ITGB6: variants seen among roughly 807,000 people sequenced by gnomAD.
ITGB6 encodes the protein integrin subunit beta 6.
In ITGB6, 80 loss-of-function variants were observed where a neutral mutation model predicts 84.5. The observed-to-expected ratio is 0.95, with a 90% CI of 0.79 to 1.14. The LOEUF is 1.14. ITGB6 is among the 50% of genes most tolerant of loss of function. ITGB6 has a pLI of 0.00. For missense variants in ITGB6, 1,006 were observed against 968.0 expected, an observed-to-expected ratio of 1.04 and a Z score of -0.52; for synonymous variants, 383 against 354.9, an observed-to-expected ratio of 1.08 and a Z score of -0.89.
At chr2:160,173,246 G>A (rs1316894257) in intron 5 of ITGB6, among the ~76,000 whole-genome samples, 2 of 152,168 alleles carry the variant, frequency 1.3e-5, no homozygotes, top group Non-Finnish European at 2.9e-5. Context: ...ATGAAAGTAT[G>A]GCCCGAAGGT....
At chr2:160,141,511 A>G (rs993992393) in intron 8 of ITGB6, among the ~76,000 whole-genome samples, 2 of 152,228 alleles carry the variant, frequency 1.3e-5, no homozygotes, top group East Asian at 1.9e-4. Context: ...TATAGAAATT[A>G]AAAAGTGGCA....
chr2:160,129,392 C>CAAA lies in ITGB6; in HGVS notation c.1661-2794_1661-2792dup, dbSNP rs374921878. 7.1e-3 allele frequency among the ~76,000 whole-genome samples: 900 copies of CAAA among 126,716 alleles called. 13 individuals are homozygous for CAAA. The highest frequency in any genetic ancestry group is 8.6e-3 in the Non-Finnish European group (526 of 61,174). 83.1% of individuals were successfully genotyped at this position (126,716 alleles called of 152,430 possible). A position where few individuals can be genotyped will look rare whatever the true frequency, so the allele number is the denominator to read the frequency against. On this transcript the variant is annotated intron_variant, in intron 10 of 14. Transcript: ENST00000283249. The stretch of plus-strand genomic sequence containing the variant: ...AACTCTCGTAACTGATACTTTTCTT[C>CAAA]AAAAAAAAAAAAAAAAAAGAAATGT...
intron 7 of ITGB6, among the ~76,000 whole-genome samples, chr2:160,150,557 C>T (rs903737261): frequency 2.0e-5 from 3 of 152,070 alleles, no homozygotes; most frequent in Non-Finnish European, 2.9e-5. Flanking sequence ...AATTAACGGA[C>T]AAAATAACCA....
intron 7 of ITGB6, among the ~76,000 whole-genome samples, chr2:160,157,836 C>T (rs556900101): frequency 2.0e-5 from 3 of 151,758 alleles, no homozygotes; most frequent in South Asian, 2.1e-4. Flanking sequence ...GGCAAAACCT[C>T]GCTTTTATGG....
chr2:160,190,245 C>T (rs566732446), intron 4 of ITGB6, among the ~76,000 whole-genome samples: 1 of 151,322 alleles, frequency 6.6e-6, no homozygotes, highest in Non-Finnish European at 1.5e-5. Flanking sequence ...AGGAGATATA[C>T]CTAATGCTAA....
intron 10 of ITGB6, among the ~76,000 whole-genome samples, chr2:160,135,740 A>G (rs1683686391): frequency 1.3e-5 from 2 of 152,050 alleles, no homozygotes; most frequent in South Asian, 4.2e-4. Flanking sequence ...AGCCCTCAGA[A>G]ATAATGCCAC....
chr2:160,137,706 T>C lies in ITGB6; in HGVS notation c.1388A>G (p.Asn463Ser). ...NCDCQKEVEV[N>S]SSKCHHGNGS... is the part of the protein sequence containing the mutation. ...GTTCCCGTGGTGACATTTGGAGCTG[T>C]TCACTTCCACTTCTTTCTGACAGTC... The change falls in exon 10 of 15, where the codon AAC (asparagine) becomes AGC (serine). Residue 463 changes from asparagine to serine, a missense_variant. By Grantham distance (46) the Asn-to-Ser change is conservative. Transcript: ENST00000283249. 1 of 1,614,218 alleles carries C rather than the reference T, an allele frequency of 6.2e-7. No homozygotes were observed. Among genetic ancestry groups the C allele is most frequent in the Admixed American group, 1.7e-5 (1 of 60,022 alleles).
intron 10 of ITGB6, among the ~76,000 whole-genome samples, chr2:160,132,482 A>C (rs575488714): frequency 2.6e-5 from 4 of 152,240 alleles, no homozygotes; most frequent in South Asian, 2.1e-4. Flanking sequence ...TATTTCCCCC[A>C]AAATTAGTCT....
At chr2:160,188,331 A>C (rs1685985399) in intron 4 of ITGB6, among the ~76,000 whole-genome samples, 1 of 152,198 alleles carries the variant, frequency 6.6e-6, no homozygotes, top group Non-Finnish European at 1.5e-5. Context: ...TGGAAATGGG[A>C]AACATATAAT....
intron 12 of ITGB6, among the ~76,000 whole-genome samples, chr2:160,123,425 A>C (rs913081058): frequency 7.0e-4 from 106 of 152,180 alleles, no homozygotes; most frequent in Non-Finnish European, 1.1e-3. Context: ...AAGCAATTGG[A>C]TGATAAAGGG....
In ITGB6 at chr2:160,177,134, T is replaced by C. The variant is rs372204769; in HGVS notation, c.594-2995A>G. Among the ~76,000 whole-genome samples the C allele has an allele frequency of 3.8e-4, 58 of 152,280 alleles. No individual in the cohort carries two copies. In the East Asian group the frequency reaches 8.3e-3, roughly 22 times the overall value. ...ACTATACTAGTTGATTAGCAAAAAA[T>C]GGCATTTGTTAGTTTTAATTTTCAT... On this transcript the variant is annotated intron_variant, in intron 4 of 14. Coordinates refer to ENST00000283249, the MANE Select transcript of ITGB6 (RefSeq NM_000888.5).
rs1408988851 is a variant in ITGB6, at chr2:160,162,354, A to C, written c.1017+6858T>G. On this transcript the variant is annotated intron_variant, in intron 7 of 14. Transcript: ENST00000283249. ...AAACTACATAATTAGTTATGGATGT[A>C]CATATATGTGTACATATATATATGT... Among the ~76,000 whole-genome samples the C allele has an allele frequency of 3.3e-5, 5 of 152,312 alleles. No homozygotes were observed. In the East Asian group the frequency reaches 7.7e-4, roughly 23 times the overall value.
chr2:160,130,477 A>G (rs1314722347), intron 10 of ITGB6, among the ~76,000 whole-genome samples: 1 of 152,174 alleles, frequency 6.6e-6, no homozygotes, highest in African/African-American at 2.4e-5. Context: ...TAAGTCGAGC[A>G]ACACACTAAA....
intron 10 of ITGB6, among the ~76,000 whole-genome samples, chr2:160,130,125 C>T (rs1171293515): frequency 1.3e-5 from 2 of 152,192 alleles, no homozygotes; most frequent in African/African-American, 4.8e-5. Flanking sequence ...AGGCTACAAA[C>T]CTATACAATA....
chr2:160,133,746 G>A (rs946623621), intron 10 of ITGB6, among the ~76,000 whole-genome samples: 5 of 152,264 alleles, frequency 3.3e-5, no homozygotes, highest in South Asian at 4.2e-4. Flanking sequence ...TCAGGATTAC[G>A]AAACTCACTC....
chr2:160,104,877 G>C (rs1696849769), intron 14 of ITGB6, among the ~76,000 whole-genome samples: 1 of 152,204 alleles, frequency 6.6e-6, no homozygotes, highest in African/African-American at 2.4e-5. Context: ...GGAGGTAGGA[G>C]TGAAGACCTT....
At chr2:160,114,989 G>A (rs557351016) in intron 12 of ITGB6, among the ~76,000 whole-genome samples, 1 of 152,362 alleles carries the variant, frequency 6.6e-6, no homozygotes, top group African/African-American at 2.4e-5. Context: ...GGTAAACAAA[G>A]CAGCTGGGAA....
chr2:160,194,230 A>G (rs1039557279), intron 4 of ITGB6, among the ~76,000 whole-genome samples: 7 of 152,144 alleles, frequency 4.6e-5, no homozygotes, highest in African/African-American at 1.7e-4. Flanking sequence ...ACTTGCAACC[A>G]AACAAAATTT....
At chr2:160,190,841 A>G (rs188828355) in intron 4 of ITGB6, among the ~76,000 whole-genome samples, 2 of 152,296 alleles carry the variant, frequency 1.3e-5, no homozygotes, top group African/African-American at 4.8e-5. Flanking sequence ...GTAACATTCC[A>G]CACTCATTGG....
Sources: allele counts gnomAD v4.1 joint callset (sites outside exome capture counted in the v4.1 genomes callset), GRCh38; gene constraint gnomAD v4.1.1; transcripts MANE v1.5; gene names NCBI Gene and HGNC (gene_info 2026-07-23, HGNC 2026-07-21).